The following EPHA5 variants were observed in gnomAD, a reference collection of about 807,000 sequenced individuals.
EPHA5 encodes the protein EPH receptor A5.
A neutral mutation model predicts 105.0 loss-of-function variants in EPHA5; 60 were observed. The observed-to-expected ratio is 0.57, with a 90% confidence interval of 0.46 to 0.71. The LOEUF (loss-of-function observed/expected upper bound fraction) is 0.71. EPHA5 is among the 30% of genes least tolerant of loss of function. EPHA5 has a pLI of 0.00. For missense variants in EPHA5, 1,218 were observed against 1,274.7 expected (o/e 0.96, Z 0.68); for synonymous variants, 513 against 449.1 (o/e 1.14, Z -1.80).
chr4:65,333,147 G>T (rs1720801666), intron 15 of EPHA5, among the ~76,000 whole-genome samples: 1 of 151,410 alleles, frequency 6.6e-6, no homozygotes, highest in Non-Finnish European at 1.5e-5. Context: ...GAAAAAAATG[G>T]CAAAAGGAAA....
chr4:65,513,125 T>A (rs1435770762), intron 3 of EPHA5, among the ~76,000 whole-genome samples: 1 of 152,146 alleles, frequency 6.6e-6, no homozygotes, highest in African/African-American at 2.4e-5. Flanking sequence ...ACTCTGATGA[T>A]TTATGTCATA....
chr4:65,380,535 T>C (rs1210646872), intron 8 of EPHA5, among the ~76,000 whole-genome samples: 1 of 151,722 alleles, frequency 6.6e-6, no homozygotes, highest in Non-Finnish European at 1.5e-5. Context: ...GGATAAATTA[T>C]GACTTAAATT....
chr4:65,456,721 T>A (rs1009782582), intron 5 of EPHA5, among the ~76,000 whole-genome samples: 4 of 123,940 alleles, frequency 3.2e-5, no homozygotes, highest in Non-Finnish European at 5.2e-5. Flanking sequence ...AAAATAAACA[T>A]ATACACACAC....
chr4:65,669,483 C>A (rs551459237), intron 1 of EPHA5, 79 bp downstream of exon 1: 2 of 1,278,146 alleles, frequency 1.6e-6, no homozygotes, highest in African/African-American at 1.5e-5. Context: ...CAGCGTCCAG[C>A]GCGCTGAGAC....
intron 3 of EPHA5, among the ~76,000 whole-genome samples, chr4:65,574,961 C>T (rs184966656): frequency 2.6e-5 from 4 of 151,722 alleles, no homozygotes; most frequent in Admixed American, 6.6e-5. Flanking sequence ...AACAAGGTTT[C>T]CTTTCTAGTG....
chr4:65,628,252 C>T (rs1184615414), intron 2 of EPHA5, among the ~76,000 whole-genome samples: 1 of 152,064 alleles, frequency 6.6e-6, no homozygotes, highest in East Asian at 1.9e-4. Flanking sequence ...TTCATTTTAA[C>T]ATTTTATTGA....
rs757523938 is a variant in EPHA5 at position 65,669,748 on chromosome 4, C to A, written c.-6G>T. The A allele has an allele frequency of 4.0e-6, 5 of 1,253,682 alleles. No individual in the cohort carries two copies. The highest frequency in any genetic ancestry group is 5.0e-6 in the Non-Finnish European group (5 of 998,516). 77.7% of individuals were successfully genotyped at this position (1,253,682 alleles called of 1,614,324 possible). A position where few individuals can be genotyped will look rare whatever the true frequency, so the allele number is the denominator to read the frequency against. ...CGGGGCCCCGAGCCCCGCATCTTCTCCGAGCCTCCTCCGGTGCCGCTGTCC... is the reference window on the plus strand; with the variant it reads ...CGGGGCCCCGAGCCCCGCATCTTCTACGAGCCTCCTCCGGTGCCGCTGTCC... On this transcript the variant is annotated 5_prime_UTR_variant, in exon 1 of 17. Transcript: ENST00000613740.
chr4:65,356,313 C>A (rs1022944468), intron 11 of EPHA5, among the ~76,000 whole-genome samples: 1 of 151,404 alleles, frequency 6.6e-6, no homozygotes, highest in Admixed American at 6.6e-5. Flanking sequence ...ACTGCTCACC[C>A]AAGGTCTACT....
At chr4:65,511,749 A>T (rs1733647915) in intron 3 of EPHA5, among the ~76,000 whole-genome samples, 1 of 152,222 alleles carries the variant, frequency 6.6e-6, no homozygotes, top group African/African-American at 2.4e-5. Context: ...TTAATTTCAT[A>T]GAACATCTTT....
At chr4:65,378,900 T>C (rs1719279955) in intron 8 of EPHA5, among the ~76,000 whole-genome samples, 1 of 151,852 alleles carries the variant, frequency 6.6e-6, no homozygotes, top group Non-Finnish European at 1.5e-5. Context: ...TTTACTGATA[T>C]CTACTAATGT....
intron 8 of EPHA5, among the ~76,000 whole-genome samples, chr4:65,391,674 G>C (rs1577996340): frequency 6.6e-6 from 1 of 152,204 alleles, no homozygotes; most frequent in African/African-American, 2.4e-5. Context: ...AGAAACCTAG[G>C]AGGGTCTTCT....
intron 5 of EPHA5, among the ~76,000 whole-genome samples, chr4:65,466,922 C>T (rs1266968920): frequency 6.6e-6 from 1 of 152,128 alleles, no homozygotes; most frequent in African/African-American, 2.4e-5. Context: ...TCTACACAAG[C>T]CACCCCACTG....
chr4:65,379,846 T>C (rs1020392128), intron 8 of EPHA5, among the ~76,000 whole-genome samples: 18 of 151,786 alleles, frequency 1.2e-4, no homozygotes, highest in Middle Eastern at 3.2e-3. Context: ...TTCTAAGGAT[T>C]TGGTGATTAG....
At chr4:65,568,218 G>A (rs1201778857) in intron 3 of EPHA5, among the ~76,000 whole-genome samples, 5 of 151,316 alleles carry the variant, frequency 3.3e-5, no homozygotes, top group African/African-American at 9.7e-5. Flanking sequence ...AGCTCATTGA[G>A]GAAGTAAAGT....
chr4:65,397,707 G>A (rs1320943157), intron 8 of EPHA5, among the ~76,000 whole-genome samples: 1 of 151,826 alleles, frequency 6.6e-6, no homozygotes, highest in Non-Finnish European at 1.5e-5. Flanking sequence ...TTGTCTTGAG[G>A]CCATCAAACT....
In EPHA5 at chr4:65,391,831, T is replaced by G. The variant is rs139686623; in HGVS notation, c.1793+12543A>C. ...GTTAGGCTTTTGACCTGCCCTTTGC[T>G]TCATACTAGGTGAAATCTAAGTCAT... On this transcript the variant is annotated intron_variant, in intron 8 of 16. Transcript: ENST00000613740. Among the ~76,000 whole-genome samples, 200 of 152,290 alleles carry G rather than the reference T, an allele frequency of 1.3e-3. 2 individuals carry two copies. The highest frequency in any genetic ancestry group is 4.4e-3 in the African/African-American group (184 of 41,584).
chr4:65,466,085 A>G (rs1728691599), intron 5 of EPHA5, among the ~76,000 whole-genome samples: 2 of 152,224 alleles, frequency 1.3e-5, no homozygotes, highest in Non-Finnish European at 2.9e-5. Context: ...TGGGATAGGA[A>G]AGGTTAGGGT....
intron 3 of EPHA5, chr4:65,574,331 G>A: frequency 7.0e-7 from 1 of 1,431,260 alleles, no homozygotes. Flanking sequence ...TGTTCTAAAT[G>A]TCTTAAGAAC....
At chr4:65,582,244 A>AT in intron 3 of EPHA5, among the ~76,000 whole-genome samples, 1 of 151,742 alleles carries the variant, frequency 6.6e-6, no homozygotes, top group Middle Eastern at 3.4e-3. Context: ...TTTATGACTA[A>AT]TTTTCAAGAC....
Sources: gnomAD v4.1 joint callset for allele counts (sites outside exome capture counted in the v4.1 genomes callset) on GRCh38, gnomAD v4.1.1 for gene constraint, MANE v1.5 for transcripts, NCBI Gene and HGNC (gene_info 2026-07-23, HGNC 2026-07-21) for gene names.